ASIC2: variants seen among roughly 807,000 people sequenced by gnomAD.
ASIC2 encodes acid-sensing ion channel 2.
Under a neutral mutation model 57.3 loss-of-function variants are expected in ASIC2, and 25 were observed. The observed-to-expected ratio is 0.44, with a 90% CI of 0.32 to 0.61. ASIC2 has a LOEUF of 0.61. Ranked by LOEUF, ASIC2 falls within the 20% of genes least tolerant of loss-of-function variation. The pLI, the probability that ASIC2 is intolerant of heterozygous loss-of-function variation, is 0.06. For synonymous variants in ASIC2, 319 were observed against 307.5 expected, an observed-to-expected ratio of 1.04 and a Z score of -0.39; for missense variants, 641 against 738.1, an observed-to-expected ratio of 0.87 and a Z score of 1.52.
intron 9 of ASIC2, 58 bp from the exon 10 acceptor site, chr17:33,014,124 G>T: frequency 7.4e-7 from 1 of 1,345,852 alleles, no homozygotes; most frequent in Non-Finnish European, 1.0e-6. Context: ...TCTTCATGAT[G>T]CCACCAGCGG....
intron 1 of ASIC2, among the ~76,000 whole-genome samples, chr17:33,368,811 C>T (rs1197334115): frequency 6.6e-6 from 1 of 152,176 alleles, no homozygotes; most frequent in Non-Finnish European, 1.5e-5. Context: ...TCTCTGCCCT[C>T]CTTTCACCCG....
At chr17:33,490,400 G>T (rs1247693612) in intron 1 of ASIC2, among the ~76,000 whole-genome samples, 1 of 152,174 alleles carries the variant, frequency 6.6e-6, no homozygotes, top group Non-Finnish European at 1.5e-5. Flanking sequence ...GGTGTGGCTG[G>T]ATAACTGCAA....
chr17:33,447,912 C>CAAAAAA (rs34092157), intron 1 of ASIC2, among the ~76,000 whole-genome samples: 46 of 72,890 alleles, frequency 6.3e-4, no homozygotes, highest in African/African-American at 1.0e-3. Context: ...GACTCAGTCT[C>CAAAAAA]AAAAAAAAAA....
chr17:33,827,521 T>G (rs1912967024), intron 1 of ASIC2, among the ~76,000 whole-genome samples: 1 of 148,726 alleles, frequency 6.7e-6, no homozygotes, highest in South Asian at 2.1e-4. Context: ...TTTTTTTGTA[T>G]TTTTAGTAAA....
intron 1 of ASIC2, among the ~76,000 whole-genome samples, chr17:33,702,631 G>A (rs1908740242): frequency 1.3e-5 from 2 of 152,216 alleles, no homozygotes. Flanking sequence ...CACAATGACA[G>A]CCCAGGGACA....
At chr17:33,509,479 A>T (rs755277854) in intron 1 of ASIC2, among the ~76,000 whole-genome samples, 1 of 152,146 alleles carries the variant, frequency 6.6e-6, no homozygotes, top group African/African-American at 2.4e-5. Context: ...TCTGTGTTCT[A>T]TGCTCTTCCC....
At chr17:33,135,232 G>GCT (rs1218272594) in intron 1 of ASIC2, among the ~76,000 whole-genome samples, 12 of 151,998 alleles carry the variant, frequency 7.9e-5, no homozygotes, top group Non-Finnish European at 5.9e-5. Context: ...AACATGCCCC[G>GCT]CTGTCTCATC....
At chr17:33,944,644 T>C (rs1916267091) in intron 1 of ASIC2, among the ~76,000 whole-genome samples, 1 of 152,240 alleles carries the variant, frequency 6.6e-6, no homozygotes, top group African/African-American at 2.4e-5. Context: ...GCTTTCTTTC[T>C]GTGCCAAAGT....
At chr17:33,783,232 A>G (rs1394258110) in intron 1 of ASIC2, among the ~76,000 whole-genome samples, 4 of 152,156 alleles carry the variant, frequency 2.6e-5, no homozygotes, top group African/African-American at 9.7e-5. Context: ...GGCACTAACC[A>G]TCTCCTTCAC....
Position 33,168,831 on chromosome 17 carries a change from T to C in ASIC2, c.709-56764A>G, listed in dbSNP as rs181234095. 2.5e-4 allele frequency among the ~76,000 whole-genome samples: 38 copies of C among 152,308 alleles called. No individual in the cohort carries two copies. In the East Asian group the frequency reaches 6.6e-3, roughly 26 times the overall value. On this transcript the variant is annotated intron_variant, in intron 1 of 9. Transcript: ENST00000225823. ...GAAAAGATTTGAAAAACTCTCAGTC[T>C]GGTCATATAAAGAACAAAAAAGCAT...
chr17:33,673,197 GA>G (rs1222598571), intron 1 of ASIC2, among the ~76,000 whole-genome samples: 1 of 152,146 alleles, frequency 6.6e-6, no homozygotes, highest in Non-Finnish European at 1.5e-5. Flanking sequence ...GAGAGAAACT[GA>G]GGATGGGATG....
At chr17:34,149,804 A>T (rs796170417) in intron 1 of ASIC2, among the ~76,000 whole-genome samples, 6 of 152,382 alleles carry the variant, frequency 3.9e-5, no homozygotes, top group African/African-American at 1.4e-4. Flanking sequence ...GGAAATTAGT[A>T]CAGCCATTAT....
At chr17:33,575,092 C>T (rs753042356) in intron 1 of ASIC2, among the ~76,000 whole-genome samples, 7 of 152,090 alleles carry the variant, frequency 4.6e-5, no homozygotes, top group Non-Finnish European at 7.4e-5. Flanking sequence ...GGCCTCCACA[C>T]GTCAGTCTCC....
intron 1 of ASIC2, among the ~76,000 whole-genome samples, chr17:33,992,771 T>G (rs1906040895): frequency 6.6e-6 from 1 of 152,206 alleles, no homozygotes; most frequent in Admixed American, 6.5e-5. Context: ...AACACATCAC[T>G]GACTATATCC....
In ASIC2 at chr17:33,815,916, A is replaced by T. The variant is rs62055825; in HGVS notation, c.555+340062T>A. Among the ~76,000 whole-genome samples the T allele has an allele frequency of 4.7e-3, 716 of 152,336 alleles. 4 individuals are homozygous for T. The highest frequency in any genetic ancestry group is 7.4e-3 in the Non-Finnish European group (506 of 68,034). On this transcript the variant is annotated intron_variant, in intron 1 of 9. Transcript: ENST00000359872. ...TGTATTGGGTACTTATGATATGCCAAATCCAGGGCTAGTATCACAGTCTAC... is the reference window on the plus strand; with the variant it reads ...TGTATTGGGTACTTATGATATGCCATATCCAGGGCTAGTATCACAGTCTAC...
chr17:34,137,994 C>A (rs1912170776), intron 1 of ASIC2, among the ~76,000 whole-genome samples: 2 of 152,162 alleles, frequency 1.3e-5, no homozygotes. Flanking sequence ...CCCACAAGTC[C>A]CACCTTCTAG....
intron 1 of ASIC2, among the ~76,000 whole-genome samples, chr17:33,431,020 G>T (rs9896267): frequency 0.35 from 52,416 of 151,718 alleles, 9,079 homozygotes; most frequent in Middle Eastern, 0.43. Context: ...TATGTGAGAG[G>T]ATGCAGAGGG....
chr17:33,045,222 C>A (rs541971347), intron 3 of ASIC2, among the ~76,000 whole-genome samples: 1 of 152,178 alleles, frequency 6.6e-6, no homozygotes, highest in East Asian at 1.9e-4. Flanking sequence ...CTAGGTATCA[C>A]TAGCAGGTCT....
intron 1 of ASIC2, among the ~76,000 whole-genome samples, chr17:33,687,783 T>A (rs1908241546): frequency 6.6e-6 from 1 of 152,196 alleles, no homozygotes; most frequent in African/African-American, 2.4e-5. Context: ...CAAGCCTCTC[T>A]AATGACCTGG....
Sources: allele counts gnomAD v4.1 joint callset (sites outside exome capture counted in the v4.1 genomes callset), GRCh38; gene constraint gnomAD v4.1.1; transcripts MANE v1.5; gene names NCBI Gene and HGNC (gene_info 2026-07-23, HGNC 2026-07-21).